The following KDM5B variants were observed in gnomAD, a reference collection of about 807,000 sequenced individuals.
KDM5B encodes the protein lysine-specific demethylase 5B.
In KDM5B, 144 loss-of-function variants were observed where a neutral mutation model predicts 193.4. The observed-to-expected ratio is 0.74, with a 90% CI of 0.65 to 0.86. The LOEUF is 0.86. KDM5B is among the 40% of genes least tolerant of loss of function. The pLI, the probability that KDM5B is intolerant of heterozygous loss-of-function variation, is 0.00. For missense variants in KDM5B, 1,833 were observed against 1,886.9 expected (o/e 0.97, Z 0.53); for synonymous variants, 668 against 682.6 (o/e 0.98, Z 0.33).
At chr1:202,772,557 A>G (rs1656763836) in intron 4 of KDM5B, among the ~76,000 whole-genome samples, 1 of 152,260 alleles carries the variant, frequency 6.6e-6, no homozygotes, top group Non-Finnish European at 1.5e-5. Context: ...TGTAACAAGT[A>G]GATAATAATC....
intron 13 of KDM5B, among the ~76,000 whole-genome samples, chr1:202,749,664 G>A (rs1019629946): frequency 1.3e-5 from 2 of 149,820 alleles, no homozygotes; most frequent in African/African-American, 4.9e-5. Flanking sequence ...TAATTAAAAA[G>A]TGGTTAAAAA....
chr1:202,733,580 C>T lies in KDM5B; in HGVS notation c.3730G>A (p.Val1244Ile). 6.2e-7 allele frequency: 1 copy of T among 1,614,146 alleles called. No individual in the cohort carries two copies. The highest frequency in any genetic ancestry group is 8.5e-7 in the Non-Finnish European group (1 of 1,180,024). ...AGTGCATCTCCCTCAGGAAGGCGAA[C>T]TCGGATACGCTGAAGGGAGGCGAGC... ...PLLASLQRIR[V>I]RLPEGDALRY... The change falls in exon 23 of 27, where the codon GTT becomes ATT. Residue 1244 changes from valine to isoleucine, a missense_variant. Val to Ile is a conservative substitution (Grantham distance 29). Transcript: ENST00000367265.
intron 19 of KDM5B, 64 bp from the exon 20 acceptor site, chr1:202,740,876 CA>C (rs1358380296): frequency 3.4e-6 from 5 of 1,483,946 alleles, no homozygotes; most frequent in African/African-American, 1.4e-5. Flanking sequence ...TTATGGTTAC[CA>C]AAAAAACTAG....
At chr1:202,747,766 C>CA (rs1655618987) in intron 14 of KDM5B, among the ~76,000 whole-genome samples, 1 of 151,312 alleles carries the variant, frequency 6.6e-6, no homozygotes, top group Admixed American at 6.6e-5. Context: ...ATAATAGTGC[C>CA]AAAAAACATG....
intron 1 of KDM5B, among the ~76,000 whole-genome samples, chr1:202,804,801 G>C (rs1238617305): frequency 1.3e-5 from 2 of 151,328 alleles, no homozygotes; most frequent in African/African-American, 2.4e-5. Context: ...CCTGAGGTCG[G>C]GAGGCAGAGG....
In KDM5B at chr1:202,773,175, C is replaced by A. The variant is rs1271237819; in HGVS notation, c.519G>T (p.Gly173=). The stretch of plus-strand genomic sequence containing the variant: ...AGGGGTTGAGAATTCGTTCATAATG[C>A]CCTCTGATATGTGAGCCCACTGCTT... ...PGKAVGSHIR[G]HYERILNPYN... Residue 173 remains glycine, a synonymous_variant, in exon 4 of 27, where the codon GGG becomes GGT. Coordinates refer to ENST00000367265, the MANE Select transcript of KDM5B (RefSeq NM_006618.5). 1 of 1,613,618 alleles carries A rather than the reference C, an allele frequency of 6.2e-7. No homozygotes were observed. Among genetic ancestry groups the A allele is most frequent in the South Asian group, 1.1e-5 (1 of 91,064 alleles).
At chr1:202,807,062 C>T (rs1658323843) in intron 1 of KDM5B, 1 of 152,406 alleles carries the variant, frequency 6.6e-6, no homozygotes, top group African/African-American at 2.4e-5. Context: ...CAACACCCAC[C>T]CCTCACTCAC....
chr1:202,737,787 A>C (rs1655151222), intron 20 of KDM5B, among the ~76,000 whole-genome samples: 1 of 152,210 alleles, frequency 6.6e-6, no homozygotes, highest in African/African-American at 2.4e-5. Context: ...AAACGCTACA[A>C]GATTAAAAGA....
chr1:202,781,011 T>C (rs79716544), intron 1 of KDM5B, among the ~76,000 whole-genome samples: 2,754 of 152,284 alleles, frequency 0.018, 77 homozygotes, highest in African/African-American at 0.062. Flanking sequence ...TATAGACTGC[T>C]TTTAGTTTAG....
chr1:202,746,360 A>G, intron 14 of KDM5B, 37 bp from the exon 15 acceptor site: 1 of 1,414,900 alleles, frequency 7.1e-7, no homozygotes, highest in East Asian at 2.3e-5. Context: ...CCTCCAAAGG[A>G]TAATATAATC....
intron 16 of KDM5B, among the ~76,000 whole-genome samples, chr1:202,743,471 T>C (rs1655433621): frequency 6.6e-6 from 1 of 152,208 alleles, no homozygotes; most frequent in Non-Finnish European, 1.5e-5. Context: ...TCCTGCATTT[T>C]ATTCTGCAGT....
chr1:202,789,089 G>A (rs1158053055), intron 1 of KDM5B, among the ~76,000 whole-genome samples: 1 of 152,056 alleles, frequency 6.6e-6, no homozygotes, highest in Non-Finnish European at 1.5e-5. Context: ...CACACGCCTG[G>A]AGATTCAACA....
At chr1:202,752,390 T>C (rs998122018) in intron 12 of KDM5B, among the ~76,000 whole-genome samples, 6 of 152,204 alleles carry the variant, frequency 3.9e-5, no homozygotes, top group East Asian at 1.9e-4. Context: ...CCAGCAGCAA[T>C]AGCCTACACC....
intron 1 of KDM5B, among the ~76,000 whole-genome samples, chr1:202,793,626 C>T (rs1209786524): frequency 6.6e-6 from 1 of 152,168 alleles, no homozygotes; most frequent in Non-Finnish European, 1.5e-5. Context: ...AGAAACCCAA[C>T]ATTTTGATTC....
At chr1:202,791,823 ATTC>A in intron 1 of KDM5B, among the ~76,000 whole-genome samples, 1 of 152,198 alleles carries the variant, frequency 6.6e-6, no homozygotes, top group Admixed American at 6.5e-5. Context: ...GGTTCAAGCG[ATTC>A]TTCTGCCTCA....
intron 4 of KDM5B, 173 bp from the exon 5 acceptor site, chr1:202,767,233 G>T (rs970789259): frequency 1.3e-6 from 2 of 1,580,148 alleles, no homozygotes; most frequent in Non-Finnish European, 1.7e-6. Context: ...ACACCCTTAT[G>T]TTTTAAGCAG....
chr1:202,750,069 G>A (rs1251925431), intron 13 of KDM5B, among the ~76,000 whole-genome samples: 2 of 152,110 alleles, frequency 1.3e-5, no homozygotes, highest in Non-Finnish European at 2.9e-5. Context: ...GAGATACTGA[G>A]CTTCAGCCAG....
chr1:202,767,420 T>A (rs755490934), intron 4 of KDM5B: 2 of 1,380,404 alleles, frequency 1.4e-6, no homozygotes, highest in South Asian at 1.2e-5. Flanking sequence ...TAGCCCAACA[T>A]AGCGCTGCTG....
At chr1:202,776,558 T>A (rs901094923) in intron 2 of KDM5B, among the ~76,000 whole-genome samples, 1 of 151,272 alleles carries the variant, frequency 6.6e-6, no homozygotes, top group African/African-American at 2.4e-5. Flanking sequence ...CATATGTAAA[T>A]ATATATATAT....
Sources: gnomAD v4.1 joint callset for allele counts (sites outside exome capture counted in the v4.1 genomes callset) on GRCh38, gnomAD v4.1.1 for gene constraint, MANE v1.5 for transcripts, NCBI Gene and HGNC (gene_info 2026-07-23, HGNC 2026-07-21) for gene names.